HELZ2: variants seen among roughly 807,000 people sequenced by gnomAD.
HELZ2 encodes 3'-5' exoribonuclease HELZ2.
A neutral mutation model predicts 208.8 loss-of-function variants in HELZ2; 143 were observed. The observed-to-expected ratio is 0.68, with a 90% CI of 0.60 to 0.79. HELZ2 has a LOEUF of 0.79. HELZ2 is among the 30% of genes least tolerant of loss of function. HELZ2 has a pLI of 0.00. For synonymous variants in HELZ2, 1,705 were observed against 1,693.7 expected, an observed-to-expected ratio of 1.01 and a Z score of -0.16; for missense variants, 3,690 against 3,794.5, an observed-to-expected ratio of 0.97 and a Z score of 0.72.
At chr20:63,559,806 G>A (rs1477501895) in intron 18 of HELZ2, 122 bp downstream of exon 19, 6 of 809,908 alleles carry the variant, frequency 7.4e-6, no homozygotes, top group Non-Finnish European at 1.2e-5. Context: ...GGAGGAGTCA[G>A]GGTCAGGTGG....
intron 7 of HELZ2, 27 bp from the exon 9 acceptor site, chr20:63,566,258 G>A: frequency 6.7e-7 from 1 of 1,489,044 alleles, no homozygotes. Flanking sequence ...GTCAGGTCAG[G>A]CTGGGTGCGC....
chr20:63,567,479 G>T (rs777329908), exon 6 of HELZ2: 2 of 1,555,768 alleles, frequency 1.3e-6, no homozygotes, highest in East Asian at 4.8e-5. Context: ...AAAGCCTGGC[G>T]GTCGTCGGTC....
At chr20:63,562,116 C>T in exon 10 of HELZ2, 1 of 1,612,604 alleles carries the variant, frequency 6.2e-7, no homozygotes, top group East Asian at 2.2e-5. Flanking sequence ...CAGAGCCTCC[C>T]TGACCGCCAC....
chr20:63,560,737 G>A (rs201170518), intron 15 of HELZ2, 40 bp from the exon 17 acceptor site: 1,155 of 1,604,384 alleles, frequency 7.2e-4, no homozygotes, highest in Non-Finnish European at 9.2e-4. Context: ...GCTGCCACGC[G>A]GGGTTGTGGC....
At position 63,563,793 on chromosome 20, in the gene HELZ2, T is replaced by C. The variant is rs751866605; in HGVS notation, c.5029A>G (p.Arg1677Gly). 2.5e-6 allele frequency: 4 copies of C among 1,603,238 alleles called. No homozygotes were observed. The Admixed American group carries it at 6.7e-5, about 27-fold the overall frequency. The change falls in exon 8 of 19, where the codon AGG (arginine) becomes GGG (glycine). Residue 1677 changes from arginine (R) to glycine (G), a missense_variant. Transcript: ENST00000467148. Reference sequence around the variant, plus strand: ...CGCTGCAACACCACGTCCAGGTACCTGCGGATGGGCGAGGTGGCCCACGTG... The same window carrying C: ...CGCTGCAACACCACGTCCAGGTACCCGCGGATGGGCGAGGTGGCCCACGTG...
chr20:63,568,040 G>C, intron 5 of HELZ2: 1 of 541,094 alleles, frequency 1.8e-6, no homozygotes, highest in Non-Finnish European at 3.2e-6. Context: ...CTTGTGGTTA[G>C]GACAAAGATC....
At chr20:63,559,356 G>A (rs182052298) in exon 19 of HELZ2, 8 of 1,598,780 alleles carry the variant, frequency 5.0e-6, no homozygotes, top group Non-Finnish European at 6.8e-6. Context: ...CAGCAGCGCA[G>A]AAGGAGGTGG....
In HELZ2 at chr20:63,560,465, C is replaced by T; in HGVS notation, c.7500+14G>A. 2 of 1,607,856 alleles carry T rather than the reference C, an allele frequency of 1.2e-6. No individual in the cohort carries two copies. The highest frequency in any genetic ancestry group is 1.7e-6 in the Non-Finnish European group (2 of 1,179,372). ...CAGAAAGCCCTCCCTGACTCACAGGCACCAGACACTCACCACCTCAGCCAC... is the reference window on the plus strand; with the variant it reads ...CAGAAAGCCCTCCCTGACTCACAGGTACCAGACACTCACCACCTCAGCCAC... On this transcript the variant is annotated intron_variant, in intron 16 of 18. Coordinates refer to ENST00000467148, the Ensembl canonical transcript of HELZ2.
chr20:63,569,547 C>A, exon 4 of HELZ2: 1 of 1,605,432 alleles, frequency 6.2e-7, no homozygotes, highest in East Asian at 2.3e-5. Flanking sequence ...GGCAGTGGAG[C>A]TGGGCACACG....
rs141784306 is a variant in HELZ2 at position 63,559,859 on chromosome 20, G to A, written c.7825+69C>T. On this transcript the variant is annotated intron_variant, in intron 18 of 18. Coordinates refer to ENST00000467148, the Ensembl canonical transcript of HELZ2. Reference sequence around the variant, plus strand: ...TCGGAGTCAGGGTCAGGCAGGAGTCGGCAGCTCCCTAGCCCAGCCCTGGCC... The same window carrying A: ...TCGGAGTCAGGGTCAGGCAGGAGTCAGCAGCTCCCTAGCCCAGCCCTGGCC... 3.2e-3 allele frequency: 4,880 copies of A among 1,544,012 alleles called. 14 individuals carry two copies. The highest frequency in any genetic ancestry group is 3.7e-3 in the Non-Finnish European group (4,169 of 1,140,296).
upstream of HELZ2, chr20:63,573,087 C>T (rs757181584): frequency 1.3e-5 from 2 of 152,448 alleles, no homozygotes; most frequent in African/African-American, 4.8e-5. The surrounding 1 kb of genome is among the most constrained non-coding windows in gnomAD (Gnocchi z 4.9). Context: ...CTGGTGGCCG[C>T]GGGGCTGTTG....
downstream of HELZ2, chr20:63,559,092 C>T (rs2082846901): frequency 8.4e-6 from 7 of 829,002 alleles, no homozygotes; most frequent in South Asian, 5.8e-5. Context: ...CTTGCCGTTC[C>T]TCCTCCAAGT....
chr20:63,570,836 G>C, exon 2 of HELZ2: 1 of 1,604,080 alleles, frequency 6.2e-7, no homozygotes, highest in Non-Finnish European at 8.5e-7. Flanking sequence ...GTGTGCCTTG[G>C]TGCAGGCGTC....
chr20:63,567,003 C>T, exon 6 of HELZ2: 1 of 1,611,056 alleles, frequency 6.2e-7, no homozygotes, highest in Non-Finnish European at 8.5e-7. Flanking sequence ...GGCTGCCCGC[C>T]ACGTGGCAGA....
exon 8 of HELZ2, chr20:63,563,885 G>A (rs192795569): frequency 3.8e-5 from 61 of 1,599,238 alleles, no homozygotes; most frequent in African/African-American, 5.4e-5. Context: ...GCGGCCGAAC[G>A]CCGAGCGCTC....
Position 63,564,061 on chromosome 20 carries a change from G to A in HELZ2, c.4761C>T (p.Gly1587=), listed in dbSNP as rs558077751. 1.8e-5 allele frequency: 29 copies of A among 1,605,074 alleles called. 1 individual carries two copies. The Middle Eastern group carries it at 6.6e-4, about 37-fold the overall frequency. ...GCCGCGTGTCGGGGGGACTGCCCCC[G>A]CCGCCGTGCAGGTGGTGGCCGAGGT... The change falls in exon 8 of 19, where the codon GGC becomes GGT. Residue 1587 remains glycine (G), a synonymous_variant. Transcript: ENST00000467148.
intron 10 of HELZ2, 37 bp from the exon 12 acceptor site, chr20:63,562,021 T>C (rs1212849600): frequency 6.3e-7 from 1 of 1,598,496 alleles, no homozygotes; most frequent in Non-Finnish European, 8.6e-7. Flanking sequence ...GCCCACCCTG[T>C]GGGTCCCTGT....
exon 5 of HELZ2, chr20:63,568,606 C>A: frequency 6.3e-7 from 1 of 1,599,052 alleles, no homozygotes; most frequent in Non-Finnish European, 8.5e-7. Context: ...AGTCGGGCAC[C>A]ACCAGCTGCT....
exon 11 of HELZ2, chr20:63,561,968 G>C: frequency 6.3e-7 from 1 of 1,596,000 alleles, no homozygotes. Context: ...GGAGGCCCAC[G>C]ATCGTCTTCC....
Sources: gnomAD v4.1 joint callset for allele counts on GRCh38, gnomAD v4.1.1 for gene constraint, Gnocchi (gnomAD v3.1) non-coding constraint, MANE v1.5 for transcripts, NCBI Gene and HGNC (gene_info 2026-07-23, HGNC 2026-07-21) for gene names.